The following TRAF3 variants were observed in gnomAD, a reference collection of about 807,000 sequenced individuals.
The protein encoded by TRAF3 is TNF receptor-associated factor 3.
Under a neutral mutation model 62.3 loss-of-function variants are expected in TRAF3, and 13 were observed. The ratio of observed to expected loss-of-function variants is 0.21; its 90% CI spans 0.14 to 0.33. The LOEUF (loss-of-function observed/expected upper bound fraction) is 0.33. TRAF3 is among the 10% of genes least tolerant of loss of function. TRAF3 has a pLI of 1.00. For missense variants in TRAF3, 440 were observed against 741.8 expected (o/e 0.59, Z 4.73); for synonymous variants, 269 against 283.4 (o/e 0.95, Z 0.51).
chr14:102,794,046 C>CCTTGTGCTCT (rs907786963), intron 1 of TRAF3, among the ~76,000 whole-genome samples: 1 of 152,202 alleles, frequency 6.6e-6, no homozygotes, highest in African/African-American at 2.4e-5. Context: ...TCCTCCCTCT[C>CCTTGTGCTCT]CTTGTGCTCT....
chr14:102,832,909 C>A (rs1595342717), intron 2 of TRAF3, among the ~76,000 whole-genome samples: 1 of 152,074 alleles, frequency 6.6e-6, no homozygotes, highest in East Asian at 1.9e-4. Flanking sequence ...TTTCTTACTG[C>A]ATTTACCTAT....
At chr14:102,877,245 A>G (rs960437879) in intron 6 of TRAF3, among the ~76,000 whole-genome samples, 6 of 133,800 alleles carry the variant, frequency 4.5e-5, no homozygotes, top group African/African-American at 9.0e-5. Flanking sequence ...CCCAACTCAT[A>G]GATAATCCAT....
At chr14:102,778,491 C>T (rs1339765323) in intron 1 of TRAF3, among the ~76,000 whole-genome samples, 5 of 152,234 alleles carry the variant, frequency 3.3e-5, no homozygotes, top group African/African-American at 7.2e-5. Context: ...AAGAAACCTT[C>T]AGATTACGAG....
chr14:102,810,820 C>A (rs139562026), intron 1 of TRAF3: 2 of 152,396 alleles, frequency 1.3e-5, no homozygotes, highest in African/African-American at 4.8e-5. Context: ...CAGCATCAGC[C>A]TACCTGGGTG....
intron 10 of TRAF3, among the ~76,000 whole-genome samples, chr14:102,898,655 G>A (rs1351599698): frequency 2.6e-5 from 4 of 152,232 alleles, no homozygotes; most frequent in African/African-American, 9.7e-5. Context: ...CACAAGTACT[G>A]GATTCATTTA....
chr14:102,804,216 A>G (rs2139478727), intron 1 of TRAF3, among the ~76,000 whole-genome samples: 1 of 151,704 alleles, frequency 6.6e-6, no homozygotes, highest in East Asian at 1.9e-4. Flanking sequence ...ACTTCAGAGG[A>G]GTCATATGAT....
In TRAF3 at chr14:102,804,527, G is replaced by A. The variant is rs181398910; in HGVS notation, c.-156-25807G>A. The stretch of plus-strand genomic sequence containing the variant: ...TTTTGAGTCAGGGTCTCACTCTGTT[G>A]CCCAGGCTGGAATGTAATGGCATGA... On this transcript the variant is annotated intron_variant, in intron 1 of 11. Transcript: ENST00000392745. Among the ~76,000 whole-genome samples the A allele has an allele frequency of 9.9e-5, 15 of 152,136 alleles. No homozygotes were observed. In the East Asian group the frequency reaches 2.3e-3, roughly 24 times the overall value.
chr14:102,837,354 G>A (rs1886088904), intron 2 of TRAF3, among the ~76,000 whole-genome samples: 1 of 152,086 alleles, frequency 6.6e-6, no homozygotes, highest in African/African-American at 2.4e-5. Flanking sequence ...GCCCAGGCTG[G>A]TCTTGAACTC....
At chr14:102,854,770 G>A (rs1887261537) in intron 2 of TRAF3, among the ~76,000 whole-genome samples, 1 of 150,526 alleles carries the variant, frequency 6.6e-6, no homozygotes, top group African/African-American at 2.4e-5. Context: ...CAAAGTGCTG[G>A]GATTATAGGT....
chr14:102,827,390 A>G (rs1010364405), intron 1 of TRAF3, among the ~76,000 whole-genome samples: 4 of 152,246 alleles, frequency 2.6e-5, no homozygotes, highest in Admixed American at 6.5e-5. Context: ...GGATTTTGGC[A>G]TATTTGAATA....
intron 2 of TRAF3, among the ~76,000 whole-genome samples, chr14:102,849,465 T>A (rs1429466961): frequency 1.3e-5 from 2 of 152,270 alleles, no homozygotes; most frequent in Non-Finnish European, 2.9e-5. Context: ...GAATACTTTT[T>A]AAAAATCCTA....
chr14:102,873,055 C>G (rs1270711908), intron 4 of TRAF3, among the ~76,000 whole-genome samples: 2 of 152,168 alleles, frequency 1.3e-5, no homozygotes, highest in Non-Finnish European at 2.9e-5. Flanking sequence ...GAGTAATATA[C>G]CTAACCATTT....
rs139102694 is a variant in TRAF3, at chr14:102,848,795, C to T, written c.-18+18323C>T. Among the ~76,000 whole-genome samples, 3 of 152,210 alleles carry T rather than the reference C, an allele frequency of 2.0e-5. No individual in the cohort carries two copies. In the East Asian group the frequency reaches 5.8e-4, roughly 29 times the overall value. On this transcript the variant is annotated intron_variant, in intron 2 of 11. Coordinates refer to ENST00000392745, the MANE Select transcript of TRAF3 (RefSeq NM_145725.3). Reference sequence around the variant, plus strand: ...TAGTCAGAAGTTCCCTCATTCTGGCCTTTGCTGTTTCCACTGGACATGTTC... The same window carrying T: ...TAGTCAGAAGTTCCCTCATTCTGGCTTTTGCTGTTTCCACTGGACATGTTC...
chr14:102,899,531 C>T (rs1029440664), intron 10 of TRAF3, among the ~76,000 whole-genome samples: 11 of 152,190 alleles, frequency 7.2e-5, no homozygotes, highest in East Asian at 1.9e-4. Flanking sequence ...AAAGTGGACC[C>T]GCTCATTGTT....
intron 2 of TRAF3, among the ~76,000 whole-genome samples, chr14:102,839,199 G>C (rs1481977605): frequency 7.4e-6 from 1 of 135,506 alleles, no homozygotes; most frequent in African/African-American, 3.0e-5. Context: ...GATGCTTATT[G>C]GTTGATTTGC....
chr14:102,876,658 C>T (rs568096266), intron 6 of TRAF3, 133 bp downstream of exon 6: 3 of 1,239,978 alleles, frequency 2.4e-6, no homozygotes, highest in South Asian at 2.6e-5. Flanking sequence ...TTCCACAGGC[C>T]TTCCACTCAG....
chr14:102,911,434 A>G lies in TRAF3; in HGVS notation c.*5650A>G, dbSNP rs1173428583. On this transcript the variant is annotated 3_prime_UTR_variant, in exon 12 of 12. Coordinates refer to ENST00000392745, the MANE Select transcript of TRAF3 (RefSeq NM_145725.3). ...TAATAACTAAAGTTTGTAAGACTGTAGAATGCAAAACTCGGAGATGCTAAA... is the reference window on the plus strand; with the variant it reads ...TAATAACTAAAGTTTGTAAGACTGTGGAATGCAAAACTCGGAGATGCTAAA... 4 of 152,266 alleles carry G rather than the reference A, an allele frequency of 2.6e-5. No individual in the cohort carries two copies. Among genetic ancestry groups the G allele is most frequent in the South Asian group, 2.1e-4 (1 of 4,834 alleles). 9.4% of individuals were successfully genotyped at this position (152,266 alleles called of 1,614,324 possible).
chr14:102,905,880 C>T lies in TRAF3; in HGVS notation c.*96C>T, dbSNP rs1474052196. ...GAGGTCCTCGCGCTCAGAAAAGGAC[C>T]TTGTGAGACGGAGGAAGCGGCAGAA... is the stretch of plus-strand genomic sequence containing the variant. On this transcript the variant is annotated 3_prime_UTR_variant, in exon 12 of 12. Coordinates refer to ENST00000392745, the MANE Select transcript of TRAF3 (RefSeq NM_145725.3). The T allele has an allele frequency of 2.5e-6, 3 of 1,181,588 alleles. No homozygotes were observed. The highest frequency in any genetic ancestry group is 1.6e-5 in the African/African-American group (1 of 64,474). The allele number at this position is 1,181,588 out of a possible 1,614,324, so 73.2% of individuals were successfully genotyped here.
chr14:102,824,662 C>T (rs1272854805), intron 1 of TRAF3, among the ~76,000 whole-genome samples: 1 of 152,202 alleles, frequency 6.6e-6, no homozygotes, highest in Non-Finnish European at 1.5e-5. Context: ...TGGGATGTTT[C>T]CATAGTTTGC....
Sources: gnomAD v4.1 joint callset for allele counts (sites outside exome capture counted in the v4.1 genomes callset) on GRCh38, gnomAD v4.1.1 for gene constraint, MANE v1.5 for transcripts, NCBI Gene and HGNC (gene_info 2026-07-23, HGNC 2026-07-21) for gene names.